MAP4K3: variants seen among roughly 807,000 people sequenced by gnomAD.
The protein encoded by MAP4K3 is MAPK/ERK kinase kinase kinase 3.
In MAP4K3, 94 loss-of-function variants were observed where a neutral mutation model predicts 143.5. That is an observed-to-expected ratio of 0.65 (90% CI 0.55 to 0.78). The LOEUF is 0.78. MAP4K3 is among the 30% of genes least tolerant of loss of function. The pLI is 0.00. For synonymous variants in MAP4K3, 416 were observed against 347.2 expected, an observed-to-expected ratio of 1.20 and a Z score of -2.20; for missense variants, 1,077 against 1,068.1, an observed-to-expected ratio of 1.01 and a Z score of -0.12.
At chr2:39,286,734 C>G in intron 21 of MAP4K3, 118 bp downstream of exon 21, 1 of 434,360 alleles carries the variant, frequency 2.3e-6, no homozygotes, top group Non-Finnish European at 3.9e-6. Context: ...ACTAAAATAT[C>G]AATATAGTAA....
chr2:39,284,458 G>A (rs1391843238), intron 21 of MAP4K3, among the ~76,000 whole-genome samples: 1 of 152,066 alleles, frequency 6.6e-6, no homozygotes, highest in African/African-American at 2.4e-5. Context: ...ACTGTGCCCG[G>A]CCTAGCAAAA....
chr2:39,266,229 C>T (rs961758044), intron 27 of MAP4K3, among the ~76,000 whole-genome samples: 2 of 152,328 alleles, frequency 1.3e-5, no homozygotes, highest in African/African-American at 2.4e-5. Context: ...CAGCTGTTCT[C>T]GCTTCCTGTT....
intron 13 of MAP4K3, 67 bp from the exon 14 acceptor site, chr2:39,309,586 C>CT: frequency 1.4e-6 from 1 of 705,854 alleles, no homozygotes; most frequent in Non-Finnish European, 2.0e-6. Context: ...GAGGCAGAGT[C>CT]TTGCTCTGTC....
chr2:39,328,052 C>T (rs993586944), intron 8 of MAP4K3, among the ~76,000 whole-genome samples: 10 of 152,140 alleles, frequency 6.6e-5, no homozygotes, highest in African/African-American at 2.4e-4. Context: ...GAATGCTGGC[C>T]GGGAGCAGTG....
intron 2 of MAP4K3, among the ~76,000 whole-genome samples, chr2:39,377,252 G>A (rs1666244621): frequency 8.2e-6 from 1 of 122,608 alleles, no homozygotes; most frequent in Admixed American, 1.0e-4. Flanking sequence ...CAAAGTCTCT[G>A]AATGGATTTC....
At chr2:39,390,634 G>C (rs2148594839) in intron 1 of MAP4K3, among the ~76,000 whole-genome samples, 1 of 152,242 alleles carries the variant, frequency 6.6e-6, no homozygotes, top group East Asian at 1.9e-4. Flanking sequence ...AAAAAGTCTA[G>C]CAACAGGGAG....
chr2:39,287,779 C>T (rs1681862103), intron 20 of MAP4K3, among the ~76,000 whole-genome samples: 1 of 152,138 alleles, frequency 6.6e-6, no homozygotes. Context: ...TCTTCTAAAA[C>T]AGAAGTAACC....
intron 25 of MAP4K3, 34 bp downstream of exon 25, chr2:39,272,448 C>T: frequency 1.3e-6 from 2 of 1,599,726 alleles, no homozygotes; most frequent in Non-Finnish European, 1.7e-6. Flanking sequence ...TAAATAGTAA[C>T]AATTGTAAGG....
chr2:39,274,849 T>C (rs1018814751), intron 24 of MAP4K3, among the ~76,000 whole-genome samples: 1 of 152,198 alleles, frequency 6.6e-6, no homozygotes, highest in Non-Finnish European at 1.5e-5. Context: ...AAATGTTAGC[T>C]ATAAATAATA....
intron 1 of MAP4K3, among the ~76,000 whole-genome samples, chr2:39,429,264 C>A (rs1665204342): frequency 6.6e-6 from 1 of 151,716 alleles, no homozygotes; most frequent in Non-Finnish European, 1.5e-5. Context: ...GTAGGAAAAG[C>A]CAGGGATAAC....
intron 14 of MAP4K3, among the ~76,000 whole-genome samples, chr2:39,309,117 A>G (rs748643493): frequency 6.6e-6 from 1 of 152,032 alleles, no homozygotes; most frequent in East Asian, 1.9e-4. Flanking sequence ...CACGATTTTA[A>G]AAAAAATTTT....
intron 4 of MAP4K3, among the ~76,000 whole-genome samples, chr2:39,338,549 T>A (rs1665047507): frequency 6.6e-6 from 1 of 152,208 alleles, no homozygotes; most frequent in East Asian, 1.9e-4. Flanking sequence ...TTTACATAAG[T>A]GGAATCATAC....
At chr2:39,418,481 T>C (rs1667454022) in intron 1 of MAP4K3, among the ~76,000 whole-genome samples, 1 of 152,334 alleles carries the variant, frequency 6.6e-6, no homozygotes, top group South Asian at 2.1e-4. Flanking sequence ...GTTTAACTTC[T>C]TACCTCTTGA....
At chr2:39,266,198 T>G (rs1368302645) in intron 27 of MAP4K3, among the ~76,000 whole-genome samples, 1 of 152,206 alleles carries the variant, frequency 6.6e-6, no homozygotes, top group Non-Finnish European at 1.5e-5. Context: ...CCCAACCTTG[T>G]CATCCTCTTT....
intron 13 of MAP4K3, among the ~76,000 whole-genome samples, chr2:39,313,504 TTCTCTCTCTCTTC>T (rs1025921978): frequency 2.6e-5 from 4 of 151,830 alleles, no homozygotes; most frequent in Admixed American, 6.6e-5. Flanking sequence ...TCTTTCTTCT[TTCTCTCTCTCTTC>T]TCTCTCTCTC....
chr2:39,351,935 T>C (rs1302454870), intron 3 of MAP4K3, among the ~76,000 whole-genome samples: 1 of 152,150 alleles, frequency 6.6e-6, no homozygotes, highest in Non-Finnish European at 1.5e-5. Flanking sequence ...CCTCCCAAAT[T>C]GCTGGGATTA....
intron 29 of MAP4K3, 60 bp downstream of exon 29, chr2:39,260,546 C>G (rs1680526002): frequency 7.0e-7 from 1 of 1,419,312 alleles, no homozygotes; most frequent in Non-Finnish European, 9.8e-7. Flanking sequence ...ATACAGTAAA[C>G]TTACTACTTA....
At chr2:39,271,165 C>A (rs1156246218) in intron 26 of MAP4K3, among the ~76,000 whole-genome samples, 1 of 151,962 alleles carries the variant, frequency 6.6e-6, no homozygotes, top group East Asian at 1.9e-4. Context: ...TAATATGGTA[C>A]AATAAGTACC....
intron 13 of MAP4K3, among the ~76,000 whole-genome samples, chr2:39,312,887 T>C (rs984027984): frequency 3.3e-5 from 5 of 152,252 alleles, no homozygotes; most frequent in African/African-American, 1.2e-4. Flanking sequence ...TCTATCTGCC[T>C]TGTGTTATTG....
Sources: gnomAD v4.1 joint callset for allele counts (sites outside exome capture counted in the v4.1 genomes callset) on GRCh38, gnomAD v4.1.1 for gene constraint, MANE v1.5 for transcripts, NCBI Gene and HGNC (gene_info 2026-07-23, HGNC 2026-07-21) for gene names.